The following IKZF1 variants were observed in gnomAD, a reference collection of about 807,000 sequenced individuals.
The protein encoded by IKZF1 is DNA-binding protein Ikaros.
A neutral mutation model predicts 51.7 loss-of-function variants in IKZF1; 10 were observed. That is an observed-to-expected ratio of 0.19 (90% CI 0.12 to 0.33). The LOEUF (loss-of-function observed/expected upper bound fraction) is 0.33, where lower values mean the gene tolerates loss of function less well. Among genes scored for constraint, IKZF1 ranks in the 10% least tolerant of loss-of-function variants. IKZF1 has a pLI of 1.00. For missense variants in IKZF1, 484 were observed against 707.5 expected (o/e 0.68, Z 3.58); for synonymous variants, 280 against 282.3 (o/e 0.99, Z 0.08).
intron 1 of IKZF1, among the ~76,000 whole-genome samples, chr7:50,316,077 C>G (rs1336974681): frequency 6.6e-6 from 1 of 152,158 alleles, no homozygotes; most frequent in African/African-American, 2.4e-5. Flanking sequence ...AGCAAAGCCA[C>G]TTTTACGAGA....
At position 50,399,785 on chromosome 7, in the gene IKZF1, G is replaced by A. The variant is rs937558895; in HGVS notation, c.851-133G>A. 13 of 1,352,946 alleles carry A rather than the reference G, an allele frequency of 9.6e-6. No homozygotes were observed. The African/African-American group carries it at 1.3e-4, about 14-fold the overall frequency. The allele number at this position is 1,352,946 out of a possible 1,614,324, so 83.8% of individuals were successfully genotyped here. A position where few individuals can be genotyped will look rare whatever the true frequency, so the allele number is the denominator to read the frequency against. ...TGTGTGTGTATGTGTGCAGGTGTGG[G>A]GTCCGCAGGCGTGCTGGGCCCCCAG... On this transcript the variant is annotated intron_variant, in intron 7 of 7. Transcript: ENST00000331340.
chr7:50,326,521 A>G (rs1795064143), intron 2 of IKZF1, among the ~76,000 whole-genome samples: 1 of 152,258 alleles, frequency 6.6e-6, no homozygotes, highest in African/African-American at 2.4e-5. Context: ...TTGCAGCTTC[A>G]GTGGAGAAAA....
intron 7 of IKZF1, among the ~76,000 whole-genome samples, chr7:50,396,176 G>A (rs1272445764): frequency 6.6e-6 from 1 of 151,788 alleles, no homozygotes; most frequent in Non-Finnish European, 1.5e-5. Flanking sequence ...TCTCTGTTGA[G>A]GGATACCAGT....
chr7:50,402,166 A>G lies in IKZF1; in HGVS notation c.*1539A>G, dbSNP rs998487799. The G allele has an allele frequency of 4.3e-6, 1 of 230,740 alleles. No individual in the cohort carries two copies. The highest frequency in any genetic ancestry group is 8.6e-6 in the Non-Finnish European group (1 of 116,416). 14.3% of individuals were successfully genotyped at this position (230,740 alleles called of 1,614,324 possible). On this transcript the variant is annotated 3_prime_UTR_variant, in exon 8 of 8. Transcript: ENST00000331340. Reference sequence around the variant, plus strand: ...ATTAATGCTATCAATCATTAAGGTCATTACTCTCAACCACCTAGGCAATGA... The same window carrying G: ...ATTAATGCTATCAATCATTAAGGTCGTTACTCTCAACCACCTAGGCAATGA...
intron 3 of IKZF1, among the ~76,000 whole-genome samples, chr7:50,340,255 A>G (rs1798762630): frequency 6.6e-6 from 1 of 152,210 alleles, no homozygotes; most frequent in Non-Finnish European, 1.5e-5. Flanking sequence ...TAATTTCAGG[A>G]GTGAGTTCAG....
At chr7:50,315,732 G>GGTGAAAGTTT (rs1280451919) in intron 1 of IKZF1, among the ~76,000 whole-genome samples, 1 of 152,092 alleles carries the variant, frequency 6.6e-6, no homozygotes, top group East Asian at 1.9e-4. Flanking sequence ...TTTTCATTTA[G>GGTGAAAGTTT]GTGAAAGTTT....
chr7:50,328,261 A>T (rs1170735236), intron 3 of IKZF1: 1 of 152,500 alleles, frequency 6.6e-6, no homozygotes, highest in Non-Finnish European at 1.5e-5. Flanking sequence ...AAATCAAAGC[A>T]CACATTTACA....
chr7:50,326,376 T>G (rs541886238), intron 2 of IKZF1, among the ~76,000 whole-genome samples: 1 of 152,358 alleles, frequency 6.6e-6, no homozygotes, highest in Non-Finnish European at 1.5e-5. Flanking sequence ...TTTGTTAGAC[T>G]TCTTCAGGAC....
At position 50,388,001 on chromosome 7, in the gene IKZF1, G is replaced by A. The variant is rs138768620; in HGVS notation, c.715+531G>A. Among the ~76,000 whole-genome samples the A allele has an allele frequency of 1.6e-3, 239 of 152,222 alleles. 1 individual carries two copies. Among genetic ancestry groups the A allele is most frequent in the African/African-American group, 5.4e-3 (224 of 41,512 alleles). ...AGCCCCTGGTAGTTGATAATATTGA[G>A]GTTGTTGAAGGATGAGAGGAAAGGT... On this transcript the variant is annotated intron_variant, in intron 6 of 7. Transcript: ENST00000331340.
chr7:50,379,592 A>G (rs751829037), intron 4 of IKZF1, among the ~76,000 whole-genome samples: 1 of 152,228 alleles, frequency 6.6e-6, no homozygotes, highest in Non-Finnish European at 1.5e-5. Flanking sequence ...CAGGGTGCAA[A>G]TACACCACAT....
intron 7 of IKZF1, among the ~76,000 whole-genome samples, chr7:50,398,939 T>A (rs942249748): frequency 5.3e-5 from 8 of 152,342 alleles, no homozygotes; most frequent in African/African-American, 1.9e-4. Flanking sequence ...AGAAAATTTA[T>A]TTTTTGTATT....
At chr7:50,387,584 GGGCTAGGA>G in intron 6 of IKZF1, 114 bp downstream of exon 6, 4 of 1,376,826 alleles carry the variant, frequency 2.9e-6, no homozygotes, top group Non-Finnish European at 3.8e-6. Flanking sequence ...CTTCCTGCCG[GGGCTAGGA>G]GGGAGGGAAG....
intron 3 of IKZF1, among the ~76,000 whole-genome samples, chr7:50,340,290 T>C (rs1200850778): frequency 6.6e-6 from 1 of 152,162 alleles, no homozygotes. Flanking sequence ...GAGAGACAGG[T>C]CTAGGGTGTG....
In IKZF1 at chr7:50,345,749, A is replaced by G. The variant is rs150956548; in HGVS notation, c.160+17992A>G. ...GAATAATCTATCTCCTCATCCCACAAGCAATTCTGCCTGGTTTGTGGCTCA... is the reference window on the plus strand; with the variant it reads ...GAATAATCTATCTCCTCATCCCACAGGCAATTCTGCCTGGTTTGTGGCTCA... On this transcript the variant is annotated intron_variant, in intron 3 of 7. Transcript: ENST00000331340. Among the ~76,000 whole-genome samples, 754 of 152,332 alleles carry G rather than the reference A, an allele frequency of 4.9e-3. 5 individuals are homozygous for G. Among genetic ancestry groups the G allele is most frequent in the African/African-American group, 0.017 (692 of 41,574 alleles).
intron 3 of IKZF1, among the ~76,000 whole-genome samples, chr7:50,343,274 T>A (rs1212166509): frequency 6.9e-6 from 1 of 145,434 alleles, no homozygotes; most frequent in Non-Finnish European, 1.5e-5. Context: ...CTTCCTTCCT[T>A]CCTCTCTTCT....
chr7:50,379,158 T>A (rs1348313677), intron 4 of IKZF1, among the ~76,000 whole-genome samples: 1 of 152,204 alleles, frequency 6.6e-6, no homozygotes, highest in Non-Finnish European at 1.5e-5. Flanking sequence ...GCTCCCAGCT[T>A]GTGGAGCACA....
intron 3 of IKZF1, among the ~76,000 whole-genome samples, chr7:50,339,942 A>G (rs1798688684): frequency 6.6e-6 from 1 of 152,150 alleles, no homozygotes; most frequent in Admixed American, 6.5e-5. Flanking sequence ...AGCCCATGCA[A>G]TATTCTTTAA....
chr7:50,384,644 G>C (rs1421940506), intron 5 of IKZF1, among the ~76,000 whole-genome samples: 1 of 152,246 alleles, frequency 6.6e-6, no homozygotes, highest in Non-Finnish European at 1.5e-5. Flanking sequence ...TGGAGACAAA[G>C]GTGGTACCTG....
intron 3 of IKZF1, among the ~76,000 whole-genome samples, chr7:50,344,497 C>CA (rs772477117): frequency 6.6e-5 from 10 of 152,222 alleles, no homozygotes; most frequent in Admixed American, 1.3e-4. Flanking sequence ...CTTTGGGAAA[C>CA]ACATTTTACA....
Sources: gnomAD v4.1 joint callset for allele counts (sites outside exome capture counted in the v4.1 genomes callset) on GRCh38, gnomAD v4.1.1 for gene constraint, MANE v1.5 for transcripts, NCBI Gene and HGNC (gene_info 2026-07-23, HGNC 2026-07-21) for gene names.